Variants in NUPR2 observed in about 807,000 individuals in gnomAD.
NUPR2 encodes the protein nuclear protein 2.
Under a neutral mutation model 7.3 loss-of-function variants are expected in NUPR2, and 14 were observed. The ratio of observed to expected loss-of-function variants is 1.93; its 90% CI spans 1.27 to 3.01. The LOEUF is 3.01. Ranked by LOEUF, NUPR2 falls within the 30% of genes most tolerant of loss-of-function variation. The pLI is 0.00. For synonymous variants in NUPR2, 56 were observed against 59.7 expected (o/e 0.94, Z 0.29); for missense variants, 162 against 143.7 (o/e 1.13, Z -0.65).
Position 56,114,878 on chromosome 7 carries a change from C to T in NUPR2, c.*26G>A, listed in dbSNP as rs767661700. ...ACAGTTGGAGTTACAGTAAATACTT[C>T]GAACAGGTCCTTCGGTATCCTGTAG... On this transcript the variant is annotated 3_prime_UTR_variant, in exon 2 of 2. Coordinates refer to ENST00000329309, the MANE Select transcript of NUPR2 (RefSeq NM_001145712.2). 11 of 152,200 alleles carry T rather than the reference C, an allele frequency of 7.2e-5. No homozygotes were observed. Among genetic ancestry groups the T allele is most frequent in the Admixed American group, 3.9e-4 (6 of 15,276 alleles). 9.4% of individuals were successfully genotyped at this position (152,200 alleles called of 1,614,324 possible).
Position 56,116,212 on chromosome 7 carries a change from A to G in NUPR2, c.103T>C (p.Tyr35His), listed in dbSNP as rs761787028. Residue 35 changes from tyrosine to histidine, a missense_variant, in exon 1 of 2, where the codon TAC (tyrosine) becomes CAC (histidine). Coordinates refer to ENST00000329309, the MANE Select transcript of NUPR2 (RefSeq NM_001145712.2). Reference sequence around the variant, plus strand: ...CAGGCCGGGAAGTCGCGCAGGTAGTAGTAGTCCAGGCAGTCGTAAAGCTCC... The same window carrying G: ...CAGGCCGGGAAGTCGCGCAGGTAGTGGTAGTCCAGGCAGTCGTAAAGCTCC... ...EEELYDCLDY[Y>H]YLRDFPACGA... 3.0e-5 allele frequency: 46 copies of G among 1,548,432 alleles called. 1 individual carries two copies. In the South Asian group the frequency reaches 5.4e-4, roughly 18 times the overall value.
rs1191790862 is a variant in NUPR2, at chr7:56,115,968, C to CT, written c.*6+46dup. On this transcript the variant is annotated intron_variant, in intron 1 of 1. Coordinates refer to ENST00000329309, the MANE Select transcript of NUPR2 (RefSeq NM_001145712.2). ...AGCGCCGCGCCGTGGGGGGACGCTC[C>CT]TAGGGTCCCCGGGGCACTGGTTGGG... 5.0e-6 allele frequency: 7 copies of CT among 1,391,170 alleles called. No homozygotes were observed. The African/African-American group carries it at 1.1e-4, about 21-fold the overall frequency. The allele number at this position is 1,391,170 out of a possible 1,614,324, so 86.2% of individuals were successfully genotyped here. A position where few individuals can be genotyped will look rare whatever the true frequency, so the allele number is the denominator to read the frequency against.
At position 56,116,083 on chromosome 7, in the gene NUPR2, T is replaced by C. The variant is rs537880339; in HGVS notation, c.232A>G (p.Asn78Asp). The C allele has an allele frequency of 3.9e-6, 6 of 1,527,792 alleles. No individual in the cohort carries two copies. The highest frequency in any genetic ancestry group is 2.0e-4 in the Middle Eastern group (1 of 5,032). 94.6% of individuals were successfully genotyped at this position (1,527,792 alleles called of 1,614,324 possible). A position where few individuals can be genotyped will look rare whatever the true frequency, so the allele number is the denominator to read the frequency against. Residue 78 changes from asparagine to aspartate, a missense_variant, in exon 1 of 2, where the codon AAT becomes GAT. By Grantham distance (23) the Asn-to-Asp change is conservative (BLOSUM62 1). Transcript: ENST00000329309. ...CGCTGGCGGCGCTTGCGCTGGCCAT[T>C]GAGGAGCTTCTGCGCGACCTTGCGC... ...HERKVAQKLL[N>D]GQRKRRQRQL...
In NUPR2 at chr7:56,116,282, ACGTGGAAGCGCCCGCTCT is replaced by A; in HGVS notation, c.15_32del (p.Glu6_Arg11del). 6.7e-7 allele frequency: 1 copy of A among 1,481,908 alleles called. No individual in the cohort carries two copies. Among genetic ancestry groups the A allele is most frequent in the Non-Finnish European group, 8.9e-7 (1 of 1,122,842 alleles). The allele number at this position is 1,481,908 out of a possible 1,614,324, so 91.8% of individuals were successfully genotyped here. Reference sequence around the variant, plus strand: ...GCGGCGGCCGAGCCAGAGCCTGCAGACGTGGAAGCGCCCGCTCTGCGGGCGCTTCCATCCTGCCCAGGC... The same window carrying A: ...GCGGCGGCCGAGCCAGAGCCTGCAGAGCGGGCGCTTCCATCCTGCCCAGGC... On this transcript the variant is annotated inframe_deletion, in exon 1 of 2. Transcript: ENST00000329309.
intron 1 of NUPR2, among the ~76,000 whole-genome samples, chr7:56,115,429 T>TATATATATGTATATATATATA (rs1554376538): frequency 2.6e-4 from 8 of 30,998 alleles, no homozygotes; most frequent in Admixed American, 9.7e-4. Flanking sequence ...ATATATATAT[T>TATATATATGTATATATATATA]TGTGTGTGTG....
At chr7:56,115,435 G>GTATATATCTA (rs1306832660) in intron 1 of NUPR2, among the ~76,000 whole-genome samples, 1 of 32,230 alleles carries the variant, frequency 3.1e-5, no homozygotes, top group African/African-American at 1.6e-4. Flanking sequence ...ATATTTGTGT[G>GTATATATCTA]TGTGTGTGTG....
intron 1 of NUPR2, 129 bp downstream of exon 1, chr7:56,115,886 G>A (rs1785541722): frequency 4.3e-6 from 3 of 705,644 alleles, no homozygotes; most frequent in Admixed American, 4.0e-5. Flanking sequence ...CCAAGCTGGC[G>A]GGTGCGGTTC....
intron 1 of NUPR2, 57 bp downstream of exon 1, chr7:56,115,958 G>C: frequency 7.4e-7 from 1 of 1,353,506 alleles, no homozygotes; most frequent in Non-Finnish European, 9.6e-7. Context: ...CGCGCCGTGG[G>C]GGGACGCTCC....
intron 1 of NUPR2, among the ~76,000 whole-genome samples, chr7:56,115,421 A>ACATATG (rs1785526473): frequency 2.0e-4 from 5 of 24,954 alleles, no homozygotes; most frequent in Admixed American, 8.1e-4. Context: ...ATATATATAT[A>ACATATG]TATATATTTG....
intron 1 of NUPR2, among the ~76,000 whole-genome samples, chr7:56,115,394 CAT>C (rs1201360215): frequency 0.016 from 483 of 30,736 alleles, 18 homozygotes; most frequent in Non-Finnish European, 0.021. Flanking sequence ...GGCTCGATCG[CAT>C]ATATATATAT....
At position 56,116,154 on chromosome 7, in the gene NUPR2, C is replaced by G; in HGVS notation, c.161G>C (p.Arg54Pro). 1.3e-6 allele frequency: 2 copies of G among 1,547,214 alleles called. No homozygotes were observed. The highest frequency in any genetic ancestry group is 1.7e-6 in the Non-Finnish European group (2 of 1,145,382). Reference sequence around the variant, plus strand: ...CCAGTTGGTGCGCAGCGCCTGCTCGCGCCGAGTCCGGCCCTTGCTGCGCCC... The same window carrying G: ...CCAGTTGGTGCGCAGCGCCTGCTCGGGCCGAGTCCGGCCCTTGCTGCGCCC... ...GAGRSKGRTR[R>P]EQALRTNWPA... Residue 54 changes from arginine to proline, a missense_variant, in exon 1 of 2, where the codon CGC (arginine) becomes CCC (proline). Coordinates refer to ENST00000329309, the MANE Select transcript of NUPR2 (RefSeq NM_001145712.2).
intron 1 of NUPR2, among the ~76,000 whole-genome samples, chr7:56,115,389 G>A (rs1395245767): frequency 2.6e-5 from 1 of 39,090 alleles, no homozygotes; most frequent in Admixed American, 2.5e-4. Flanking sequence ...TCCCGGGCTC[G>A]ATCGCATATA....
intron 1 of NUPR2, among the ~76,000 whole-genome samples, 188 bp from the exon 2 acceptor site, chr7:56,115,085 G>A (rs1785517653): frequency 1.3e-5 from 2 of 151,824 alleles, no homozygotes; most frequent in African/African-American, 4.8e-5. Flanking sequence ...ACAAGCACGC[G>A]CCACCACGCC....
At chr7:56,115,765 CA>C (rs1785539994) in intron 1 of NUPR2, among the ~76,000 whole-genome samples, 1 of 151,236 alleles carries the variant, frequency 6.6e-6, no homozygotes, top group African/African-American at 2.4e-5. Flanking sequence ...CCACTGCACC[CA>C]GGCATCGATC....
chr7:56,116,369 G>A lies in NUPR2; in HGVS notation c.-55C>T. On this transcript the variant is annotated 5_prime_UTR_variant, in exon 1 of 2. Coordinates refer to ENST00000329309, the MANE Select transcript of NUPR2 (RefSeq NM_001145712.2). The stretch of plus-strand genomic sequence containing the variant: ...ACCTGCCCGCGTCTGGGCGCTCCTG[G>A]AAGACCCAGCAGCCCCGCCTCGAGT... The A allele has an allele frequency of 9.0e-7, 1 of 1,116,892 alleles. No homozygotes were observed. The highest frequency in any genetic ancestry group is 1.2e-6 in the Non-Finnish European group (1 of 839,432). The allele number at this position is 1,116,892 out of a possible 1,614,324, so 69.2% of individuals were successfully genotyped here. A position where few individuals can be genotyped will look rare whatever the true frequency, so the allele number is the denominator to read the frequency against.
chr7:56,115,932 C>A, intron 1 of NUPR2, 83 bp downstream of exon 1: 1 of 1,270,126 alleles, frequency 7.9e-7, no homozygotes, highest in Non-Finnish European at 1.0e-6. Context: ...CCGACTCTGC[C>A]CAGGGCGAGC....
chr7:56,116,044 T>G lies in NUPR2; in HGVS notation c.271A>C (p.Lys91Gln). The stretch of plus-strand genomic sequence containing the variant: ...GCTCAGGTGAGGCGAGTGCGCATCT[T>G]GGGATGCAGCTGGCGCTGGCGGCGC... ...RKRRQRQLHP[K>Q]MRTRLT The change falls in exon 1 of 2, where the codon AAG becomes CAG. Residue 91 changes from lysine (K) to glutamine (Q), a missense_variant. Lys to Gln is a moderately conservative substitution (Grantham distance 53, BLOSUM62 1). Coordinates refer to ENST00000329309, the MANE Select transcript of NUPR2 (RefSeq NM_001145712.2). The G allele has an allele frequency of 6.7e-7, 1 of 1,491,566 alleles. No individual in the cohort carries two copies. The allele number at this position is 1,491,566 out of a possible 1,614,324, so 92.4% of individuals were successfully genotyped here.
Position 56,116,005 on chromosome 7 carries a change from G to A in NUPR2, c.*6+10C>T. 6.9e-7 allele frequency: 1 copy of A among 1,445,760 alleles called. No individual in the cohort carries two copies. The highest frequency in any genetic ancestry group is 9.1e-7 in the Non-Finnish European group (1 of 1,101,432). The allele number at this position is 1,445,760 out of a possible 1,614,324, so 89.6% of individuals were successfully genotyped here. On this transcript the variant is annotated intron_variant, in intron 1 of 1. Coordinates refer to ENST00000329309, the MANE Select transcript of NUPR2 (RefSeq NM_001145712.2). Reference sequence around the variant, plus strand: ...GGGCACTGGTTGGGGGAGGTGTTGGGCGCACGTACCCAGGCTCAGGTGAGG... The same window carrying A: ...GGGCACTGGTTGGGGGAGGTGTTGGACGCACGTACCCAGGCTCAGGTGAGG...
chr7:56,115,418 TA>T (rs1785525692), intron 1 of NUPR2, among the ~76,000 whole-genome samples: 1 of 41,102 alleles, frequency 2.4e-5, no homozygotes, highest in Admixed American at 2.6e-4. Context: ...TATATATATA[TA>T]TATATATATT....
Sources: allele counts gnomAD v4.1 joint callset (sites outside exome capture counted in the v4.1 genomes callset), GRCh38; gene constraint gnomAD v4.1.1; transcripts MANE v1.5; gene names NCBI Gene and HGNC (gene_info 2026-07-23, HGNC 2026-07-21).